The following SCN3A variants were observed in gnomAD, a reference collection of about 807,000 sequenced individuals.
The protein encoded by SCN3A is sodium voltage-gated channel alpha subunit 3.
A neutral mutation model predicts 187.6 loss-of-function variants in SCN3A; 60 were observed. That is an observed-to-expected ratio of 0.32 (90% confidence interval 0.26 to 0.40). The LOEUF (loss-of-function observed/expected upper bound fraction) is 0.40, where lower values mean the gene tolerates loss of function less well. Ranked by LOEUF, SCN3A falls within the 10% of genes least tolerant of loss-of-function variation. SCN3A has a pLI of 1.00. For synonymous variants in SCN3A, 788 were observed against 829.2 expected, an observed-to-expected ratio of 0.95 and a Z score of 0.85; for missense variants, 1,601 against 2,428.2, an observed-to-expected ratio of 0.66 and a Z score of 7.16.
At chr2:165,097,605 A>G in intron 22 of SCN3A, 81 bp from the exon 23 acceptor site, 1 of 1,532,428 alleles carries the variant, frequency 6.5e-7, no homozygotes, top group Non-Finnish European at 9.0e-7. Flanking sequence ...TTTAGTATTA[A>G]TATGTGCTTG....
intron 21 of SCN3A, among the ~76,000 whole-genome samples, chr2:165,101,679 T>A (rs1685610721): frequency 6.6e-6 from 1 of 152,180 alleles, no homozygotes; most frequent in Non-Finnish European, 1.5e-5. Flanking sequence ...ATTCATTATA[T>A]CCACAATGGC....
chr2:165,151,497 T>G (rs1440043131), intron 11 of SCN3A, among the ~76,000 whole-genome samples: 1 of 152,186 alleles, frequency 6.6e-6, no homozygotes, highest in Non-Finnish European at 1.5e-5. Context: ...AAAATACATG[T>G]TACAGTAGTT....
intron 1 of SCN3A, among the ~76,000 whole-genome samples, chr2:165,189,967 C>T (rs1207288693): frequency 6.6e-6 from 1 of 152,150 alleles, no homozygotes; most frequent in Non-Finnish European, 1.5e-5. Flanking sequence ...GGCTGTTCAG[C>T]ATTTTGCACA....
chr2:165,147,033 T>C lies in SCN3A; in HGVS notation c.1381-4A>G, dbSNP rs199597878. 9.9e-5 allele frequency: 159 copies of C among 1,613,908 alleles called. No individual in the cohort carries two copies. In the African/African-American group the frequency reaches 1.8e-3, roughly 19 times the overall value. On this transcript the variant is annotated splice_region_variant and splice_polypyrimidine_tract_variant and intron_variant, in intron 11 of 27. Transcript: ENST00000283254. ...CAGCTGATGCTGCCGCAACTGCCTG[T>C]CATAAAACAAAGCCAGGCACTATTT...
intron 12 of SCN3A, 69 bp from the exon 13 acceptor site, chr2:165,141,067 T>C (rs1456975222): frequency 1.2e-5 from 12 of 973,782 alleles, no homozygotes; most frequent in Admixed American, 2.6e-5. Flanking sequence ...TTAATAAATA[T>C]TAATATTAAA....
rs752441027 is a variant in SCN3A at position 165,090,561 on chromosome 2, A to G, written c.5592T>C (p.Ser1864=). 1.5e-5 allele frequency: 25 copies of G among 1,613,738 alleles called. No homozygotes were observed. Among genetic ancestry groups the G allele is most frequent in the African/African-American group, 4.0e-5 (3 of 74,812 alleles). The change falls in exon 28 of 28, where the codon AGT becomes AGC. Residue 1864 remains serine, a synonymous_variant. Transcript: ENST00000283254. This position sits in a 1 kb window ranked among gnomAD's most constrained non-coding sequence, Gnocchi z 4.0. The part of the protein sequence containing the change: ...FAFTKRVLGE[S]GEMDALRIQM... Reference sequence around the variant, plus strand: ...GTATTCGAAGGGCATCCATCTCTCCACTCTCACCCAAAACACGCTTTGTAA... The same window carrying G: ...GTATTCGAAGGGCATCCATCTCTCCGCTCTCACCCAAAACACGCTTTGTAA...
At chr2:165,109,999 G>C (rs909790832) in intron 21 of SCN3A, among the ~76,000 whole-genome samples, 5 of 151,730 alleles carry the variant, frequency 3.3e-5, no homozygotes, top group Non-Finnish European at 5.9e-5. Flanking sequence ...TCTTCTCCCA[G>C]GTCTTCAAAT....
chr2:165,131,432 TC>T lies in SCN3A; in HGVS notation c.2392-16del. On this transcript the variant is annotated splice_polypyrimidine_tract_variant and intron_variant, in intron 15 of 27. Transcript: ENST00000283254. ...CCAGTAAAGACCTAAAAAATAGAGA[TC>T]AGCACTACTTCAAGAGCACTGAAAA... The T allele has an allele frequency of 6.3e-7, 1 of 1,590,906 alleles. No individual in the cohort carries two copies. The highest frequency in any genetic ancestry group is 8.6e-7 in the Non-Finnish European group (1 of 1,165,232).
Position 165,146,788 on chromosome 2 carries a change from A to T in SCN3A, c.1622T>A (p.Met541Lys), listed in dbSNP as rs1340584161. 2 of 1,614,008 alleles carry T rather than the reference A, an allele frequency of 1.2e-6. No individual in the cohort carries two copies. The highest frequency in any genetic ancestry group is 1.7e-6 in the Non-Finnish European group (2 of 1,179,942). The change falls in exon 12 of 28, where the codon ATG becomes AAG. Residue 541 changes from methionine to lysine, a missense_variant. Around this residue, in one of 11 missense-constraint regions of SCN3A, gnomAD observed 376 missense variants for 476.0 expected, o/e 0.79. Coordinates refer to ENST00000283254, the MANE Select transcript of SCN3A (RefSeq NM_006922.4). ...GTCACTGGTCAGTCTGTTTCCATCC[A>T]TGGAGAAAAGGAAGCTGCTTCTTTT... Reference protein sequence around the residue: ...SVKRSSFLFSMDGNRLTSDKK... With the variant: ...SVKRSSFLFSKDGNRLTSDKK...
Position 165,128,486 on chromosome 2 carries a change from A to G in SCN3A, c.2923-385T>C, listed in dbSNP as rs1003978153. Among the ~76,000 whole-genome samples, 3 of 152,200 alleles carry G rather than the reference A, an allele frequency of 2.0e-5. No homozygotes were observed. The East Asian group carries it at 5.8e-4, about 29-fold the overall frequency. On this transcript the variant is annotated intron_variant, in intron 17 of 27. Coordinates refer to ENST00000283254, the MANE Select transcript of SCN3A (RefSeq NM_006922.4). ...CTTCTTAATCATTTTATCTTACTTC[A>G]TCTTACCATTTTTTTTCCTAGGGAA...
chr2:165,117,426 A>G (rs1184466353), intron 18 of SCN3A, among the ~76,000 whole-genome samples: 1 of 152,102 alleles, frequency 6.6e-6, no homozygotes, highest in Non-Finnish European at 1.5e-5. Context: ...AGAGCATTTA[A>G]TCTATTATAC....
chr2:165,113,665 A>C, intron 20 of SCN3A, 151 bp downstream of exon 20: 1 of 783,440 alleles, frequency 1.3e-6, no homozygotes. Context: ...TCAGAACTGA[A>C]TTTTGCATCG....
At chr2:165,138,786 T>C (rs1383686541) in intron 14 of SCN3A, among the ~76,000 whole-genome samples, 1 of 152,192 alleles carries the variant, frequency 6.6e-6, no homozygotes, top group African/African-American at 2.4e-5. Flanking sequence ...TAAAATGTAA[T>C]TGATGTTTTC....
chr2:165,159,694 A>G lies in SCN3A; in HGVS notation c.1031+2614T>C, dbSNP rs1689245700. 1.6e-5 allele frequency among the ~76,000 whole-genome samples: 2 copies of G among 125,950 alleles called. 1 individual carries two copies. Among genetic ancestry groups the G allele is most frequent in the Admixed American group, 1.7e-4 (2 of 11,708 alleles). The allele number at this position is 125,950 out of a possible 152,430, so 82.6% of individuals were successfully genotyped here. On this transcript the variant is annotated intron_variant, in intron 9 of 27. Transcript: ENST00000283254. ...TTTTTTTTTTTTTTTTAAATCAGAT[A>G]TGTGCTTTGCAAATATTGTCTTCCA... is the stretch of plus-strand genomic sequence containing the variant.
At chr2:165,104,655 A>G (rs2105677311) in intron 21 of SCN3A, among the ~76,000 whole-genome samples, 1 of 152,192 alleles carries the variant, frequency 6.6e-6, no homozygotes, top group South Asian at 2.1e-4. Flanking sequence ...CTAAATCAAT[A>G]TGAAAAATTT....
intron 3 of SCN3A, among the ~76,000 whole-genome samples, 163 bp downstream of exon 3, chr2:165,175,964 TATAA>T (rs1690425023): frequency 6.6e-6 from 1 of 152,190 alleles, no homozygotes; most frequent in South Asian, 2.1e-4. Flanking sequence ...CTTCATTTCT[TATAA>T]ATGTTTGTTT....
chr2:165,161,137 C>CG (rs1689349882), intron 9 of SCN3A, among the ~76,000 whole-genome samples: 4 of 93,368 alleles, frequency 4.3e-5, no homozygotes, highest in Non-Finnish European at 8.9e-5. Context: ...TTCTTTCTTT[C>CG]TTTTTTTTTT....
intron 11 of SCN3A, among the ~76,000 whole-genome samples, chr2:165,153,495 C>T (rs1399430012): frequency 6.6e-6 from 1 of 151,630 alleles, no homozygotes; most frequent in African/African-American, 2.4e-5. Context: ...ACTTACATCC[C>T]AAAGAGTCAA....
rs1688208644 is a variant in SCN3A, at chr2:165,144,568, C to T, written c.1671+2171G>A. Among the ~76,000 whole-genome samples, 3 of 152,050 alleles carry T rather than the reference C, an allele frequency of 2.0e-5. No individual in the cohort carries two copies. The South Asian group carries it at 6.2e-4, about 31-fold the overall frequency. ...TCTTTCATCAGTTTAGAATGCTGTT[C>T]CTTAAGAGAGCCTCTTTCTTTGCCT... is the stretch of plus-strand genomic sequence containing the variant. On this transcript the variant is annotated intron_variant, in intron 12 of 27. Transcript: ENST00000283254.
Sources: gnomAD v4.1 joint callset for allele counts (sites outside exome capture counted in the v4.1 genomes callset) on GRCh38, gnomAD v4.1.1 for gene constraint, gnomAD v4.1.1 regional missense constraint, Gnocchi (gnomAD v3.1) non-coding constraint, MANE v1.5 for transcripts, NCBI Gene and HGNC (gene_info 2026-07-23, HGNC 2026-07-21) for gene names.